The following AKAP6 variants were observed in gnomAD, a reference collection of about 807,000 sequenced individuals.
AKAP6 encodes the protein A-kinase anchoring protein 6.
In AKAP6, 58 loss-of-function variants were observed where a neutral mutation model predicts 188.5. The observed-to-expected ratio is 0.31, with a 90% confidence interval of 0.25 to 0.38. AKAP6 has a LOEUF of 0.38. Among genes scored for constraint, AKAP6 ranks in the 10% least tolerant of loss-of-function variants. AKAP6 has a pLI of 1.00. For missense variants in AKAP6, 2,710 were observed against 2,740.0 expected (o/e 0.99, Z 0.24); for synonymous variants, 989 against 998.6 (o/e 0.99, Z 0.18).
At chr14:32,670,180 C>G (rs1245476790) in intron 7 of AKAP6, among the ~76,000 whole-genome samples, 1 of 151,908 alleles carries the variant, frequency 6.6e-6, no homozygotes, top group Non-Finnish European at 1.5e-5. Flanking sequence ...TGTCAGATCT[C>G]ATGAAAACTA....
intron 13 of AKAP6, among the ~76,000 whole-genome samples, chr14:32,826,074 T>C (rs1421819201): frequency 2.0e-5 from 3 of 152,190 alleles, no homozygotes; most frequent in African/African-American, 4.8e-5. Context: ...GAAAGATGAA[T>C]GGCAAACATC....
chr14:32,351,874 T>G (rs962915996), intron 1 of AKAP6, among the ~76,000 whole-genome samples: 5 of 152,158 alleles, frequency 3.3e-5, no homozygotes, highest in Non-Finnish European at 7.3e-5. Flanking sequence ...TGATCTCAGA[T>G]CCAAATAAAT....
At chr14:32,799,857 T>C (rs1167909031) in intron 12 of AKAP6, among the ~76,000 whole-genome samples, 1 of 151,934 alleles carries the variant, frequency 6.6e-6, no homozygotes, top group Non-Finnish European at 1.5e-5. Flanking sequence ...AGTTCAACTA[T>C]GTACCTATTG....
chr14:32,512,404 A>G (rs551215722), intron 2 of AKAP6, among the ~76,000 whole-genome samples: 148 of 152,324 alleles, frequency 9.7e-4, no homozygotes, highest in African/African-American at 3.5e-3. Flanking sequence ...ATTAATCTGG[A>G]GGTTTAGAAA....
In AKAP6 at chr14:32,425,135, A is replaced by G. The variant is rs368040128; in HGVS notation, c.-34-8325A>G. ...AGTGTATAAGTGTTCCTTTTTCTCC[A>G]CAACCTCACCAGCATCTGTTATTTT... is the stretch of plus-strand genomic sequence containing the variant. On this transcript the variant is annotated intron_variant, in intron 1 of 13. Transcript: ENST00000280979. 7.6e-4 allele frequency among the ~76,000 whole-genome samples: 115 copies of G among 152,242 alleles called. 2 individuals carry two copies. In the East Asian group the frequency reaches 0.02, roughly 27 times the overall value.
rs147688708 is a variant in AKAP6 at position 32,443,161 on chromosome 14, C to T, written c.324+9344C>T. 9.1e-3 allele frequency among the ~76,000 whole-genome samples: 1,390 copies of T among 152,084 alleles called. 8 individuals carry two copies. Among genetic ancestry groups the T allele is most frequent in the Non-Finnish European group, 0.015 (1,003 of 68,000 alleles). On this transcript the variant is annotated intron_variant, in intron 2 of 13. Transcript: ENST00000280979. The stretch of plus-strand genomic sequence containing the variant: ...CTGTAATCCCAGTACTTTGGGCGGC[C>T]GAGGCAGGTGGATCACAAAGTCAGG...
At chr14:32,377,213 T>G (rs1888184985) in intron 1 of AKAP6, among the ~76,000 whole-genome samples, 1 of 152,230 alleles carries the variant, frequency 6.6e-6, no homozygotes, top group Non-Finnish European at 1.5e-5. Flanking sequence ...GCGTACCCTT[T>G]GAACCTTTCT....
intron 1 of AKAP6, chr14:32,402,897 T>C (rs1439207209): frequency 6.6e-6 from 1 of 152,068 alleles, no homozygotes; most frequent in South Asian, 2.1e-4. Flanking sequence ...ACCTGGCTAA[T>C]TTTTTTGTGT....
At chr14:32,507,217 T>C (rs1880925611) in intron 2 of AKAP6, among the ~76,000 whole-genome samples, 1 of 152,212 alleles carries the variant, frequency 6.6e-6, no homozygotes, top group South Asian at 2.1e-4. Context: ...TGGGCATTTA[T>C]AGAATTACTT....
intron 2 of AKAP6, among the ~76,000 whole-genome samples, chr14:32,475,678 CTTTTTT>C (rs11156748): frequency 8.1e-6 from 1 of 123,654 alleles, no homozygotes; most frequent in Non-Finnish European, 1.6e-5. Flanking sequence ...ATTTTCAGCT[CTTTTTT>C]TTTTTTTTTT....
intron 2 of AKAP6, among the ~76,000 whole-genome samples, chr14:32,489,532 T>C (rs1305525337): frequency 6.6e-6 from 1 of 152,178 alleles, no homozygotes; most frequent in Non-Finnish European, 1.5e-5. Flanking sequence ...TTTAAATTGC[T>C]ACATATGTGT....
At chr14:32,539,322 T>C (rs982039953) in intron 3 of AKAP6, among the ~76,000 whole-genome samples, 1 of 152,180 alleles carries the variant, frequency 6.6e-6, no homozygotes, top group East Asian at 1.9e-4. Flanking sequence ...AAATGATACC[T>C]TCTGCGTGGG....
chr14:32,605,593 A>G (rs1886097641), intron 7 of AKAP6, among the ~76,000 whole-genome samples: 1 of 152,164 alleles, frequency 6.6e-6, no homozygotes, highest in African/African-American at 2.4e-5. Flanking sequence ...TTAAGCCAAA[A>G]TTTTTATTGT....
At chr14:32,450,323 TGA>T (rs752360654) in intron 2 of AKAP6, among the ~76,000 whole-genome samples, 69 of 149,978 alleles carry the variant, frequency 4.6e-4, no homozygotes, top group Middle Eastern at 3.4e-3. Context: ...TGTGTGTGTG[TGA>T]GAGAGAGAGA....
At position 32,786,314 on chromosome 14, in the gene AKAP6, T is replaced by A. The variant is rs1233493449; in HGVS notation, c.3588+12421T>A. On this transcript the variant is annotated intron_variant, in intron 12 of 13. Coordinates refer to ENST00000280979, the MANE Select transcript of AKAP6 (RefSeq NM_004274.5). ...AACCTTTATCTTTTTTTTTTTTTTT[T>A]TTTTTTTTTTTGAGACGGAATCTTG... Among the ~76,000 whole-genome samples, 164 of 104,862 alleles carry A rather than the reference T, an allele frequency of 1.6e-3. 5 individuals carry two copies. Among genetic ancestry groups the A allele is most frequent in the African/African-American group, 5.0e-3 (146 of 29,114 alleles). 68.8% of individuals were successfully genotyped at this position (104,862 alleles called of 152,430 possible). A position where few individuals can be genotyped will look rare whatever the true frequency, so the allele number is the denominator to read the frequency against.
At chr14:32,398,646 T>A (rs1218432224) in intron 1 of AKAP6, among the ~76,000 whole-genome samples, 1 of 152,150 alleles carries the variant, frequency 6.6e-6, no homozygotes, top group East Asian at 1.9e-4. Context: ...TCTGTGAATA[T>A]GTAAACACAT....
intron 4 of AKAP6, among the ~76,000 whole-genome samples, chr14:32,559,281 A>C (rs1883826439): frequency 6.6e-6 from 1 of 152,172 alleles, no homozygotes; most frequent in South Asian, 2.1e-4. Context: ...ATCACCTGGA[A>C]GATATGTGAC....
chr14:32,371,510 A>G (rs748090551), intron 1 of AKAP6, among the ~76,000 whole-genome samples: 2 of 152,180 alleles, frequency 1.3e-5, no homozygotes, highest in Non-Finnish European at 2.9e-5. Flanking sequence ...AGCAGGCTGA[A>G]GCTGGGGGAT....
At chr14:32,529,221 G>T (rs539861896) in intron 2 of AKAP6, among the ~76,000 whole-genome samples, 19 of 152,114 alleles carry the variant, frequency 1.2e-4, no homozygotes, top group African/African-American at 4.3e-4. Flanking sequence ...TTCATTTGGG[G>T]GGATGCTAGT....
Sources: allele counts gnomAD v4.1 joint callset (sites outside exome capture counted in the v4.1 genomes callset), GRCh38; gene constraint gnomAD v4.1.1; transcripts MANE v1.5; gene names NCBI Gene and HGNC (gene_info 2026-07-23, HGNC 2026-07-21).